Variants in CFHR4 observed in about 807,000 individuals in gnomAD.
CFHR4 encodes the protein complement factor H-related protein 4.
CFHR4 carries 64 observed loss-of-function variants against 69.3 expected under a neutral mutation model. The ratio of observed to expected loss-of-function variants is 0.92; its 90% CI spans 0.76 to 1.14. The LOEUF (loss-of-function observed/expected upper bound fraction) is 1.14. Among genes scored for constraint, CFHR4 ranks in the 50% most tolerant of loss-of-function variants. The probability of loss-of-function intolerance (pLI) is 0.00; values close to 1 mark genes in which losing one functional copy is unlikely to be tolerated. For missense variants in CFHR4, 636 were observed against 684.9 expected (o/e 0.93, Z 0.80); for synonymous variants, 244 against 237.0 (o/e 1.03, Z -0.27).
intron 1 of CFHR4, among the ~76,000 whole-genome samples, chr1:196,895,595 A>G (rs1571416921): frequency 6.6e-6 from 1 of 151,074 alleles, no homozygotes; most frequent in East Asian, 1.9e-4. Flanking sequence ...TTGTACTTTC[A>G]GAATTTCTTT....
In CFHR4 at chr1:196,918,253, A is replaced by G; in HGVS notation, c.1584A>G (p.Ile528Met). Reference sequence around the variant, plus strand: ...AAGAAAACATGAATAAAAATAACATACAGTTAAAAGGAAAAAGTGACATAA... The same window carrying G: ...AAGAAAACATGAATAAAAATAACATGCAGTTAAAAGGAAAAAGTGACATAA... ...ITEENMNKNN[I>M]QLKGKSDIKY... The change falls in exon 10 of 10, where the codon ATA becomes ATG. Residue 528 changes from isoleucine to methionine, a missense_variant. Transcript: ENST00000608469. 1 of 1,606,946 alleles carries G rather than the reference A, an allele frequency of 6.2e-7. No homozygotes were observed.
chr1:196,897,200 G>A (rs955400630), intron 1 of CFHR4, among the ~76,000 whole-genome samples: 1 of 151,616 alleles, frequency 6.6e-6, no homozygotes, highest in Admixed American at 6.6e-5. Flanking sequence ...TGCGAGAGGG[G>A]TGTTATCTGC....
At chr1:196,905,020 C>A in intron 2 of CFHR4, 88 bp from the exon 3 acceptor site, 1 of 1,197,848 alleles carries the variant, frequency 8.3e-7, no homozygotes, top group Non-Finnish European at 1.1e-6. Flanking sequence ...TTCATTGTTT[C>A]ACCATACTGC....
chr1:196,907,409 A>T lies in CFHR4; in HGVS notation c.710A>T (p.Glu237Val), dbSNP rs1175087192. 6.2e-7 allele frequency: 1 copy of T among 1,612,092 alleles called. No individual in the cohort carries two copies. The highest frequency in any genetic ancestry group is 1.1e-5 in the South Asian group (1 of 91,036). ...GTGTATCTGCCATGGTCAAGAGTCG[A>T]GTACCAGTGCCAGTCCTACTATGAA... ...QKVYLPWSRV[E>V]YQCQSYYELQ... The change falls in exon 5 of 10, where the codon GAG becomes GTG. Residue 237 changes from glutamate (E) to valine (V), a missense_variant. This residue lies in a region of CFHR4 where 529 missense variants were observed against 533.2 expected (regional missense o/e 0.99). Coordinates refer to ENST00000608469, the MANE Select transcript of CFHR4 (RefSeq NM_001201550.3).
chr1:196,894,840 C>T (rs1657206224), intron 1 of CFHR4, among the ~76,000 whole-genome samples: 1 of 150,654 alleles, frequency 6.6e-6, no homozygotes, highest in South Asian at 2.1e-4. Flanking sequence ...TTGCTTGAGG[C>T]CAGAAGTTTG....
chr1:196,903,209 T>C (rs1657717189), intron 2 of CFHR4, among the ~76,000 whole-genome samples: 1 of 151,354 alleles, frequency 6.6e-6, no homozygotes, highest in Non-Finnish European at 1.5e-5. Flanking sequence ...ACTGGAAAAT[T>C]TTGTACATCA....
intron 5 of CFHR4, 148 bp downstream of exon 5, chr1:196,907,646 T>C (rs558551638): frequency 3.1e-6 from 2 of 641,148 alleles, no homozygotes; most frequent in Non-Finnish European, 5.1e-6. Flanking sequence ...GATCTTAATA[T>C]ATAAGTGTAT....
At chr1:196,914,416 T>A in intron 7 of CFHR4, 79 bp from the exon 8 acceptor site, 1 of 1,434,062 alleles carries the variant, frequency 7.0e-7, no homozygotes, top group Non-Finnish European at 9.3e-7. Context: ...GTAAATTTTA[T>A]CCCTACAATG....
chr1:196,900,433 A>G (rs1234322607), intron 1 of CFHR4, among the ~76,000 whole-genome samples: 1 of 150,750 alleles, frequency 6.6e-6, no homozygotes, highest in Non-Finnish European at 1.5e-5. Flanking sequence ...GGTATTAATG[A>G]TAATGATAGC....
chr1:196,906,622 CTT>C (rs1657918500), intron 3 of CFHR4, among the ~76,000 whole-genome samples: 1 of 151,120 alleles, frequency 6.6e-6, no homozygotes, highest in African/African-American at 2.4e-5. Flanking sequence ...ACTAAATAGT[CTT>C]AATATGTTTT....
rs769441598 is a variant in CFHR4 at position 196,905,249 on chromosome 1, C to T, written c.398C>T (p.Thr133Ile). The change falls in exon 3 of 10, where the codon ACA becomes ATA. Residue 133 changes from threonine (T) to isoleucine (I), a missense_variant. Thr to Ile is a moderately conservative substitution (Grantham distance 89). Transcript: ENST00000608469. ...TAEGNSSGSITCLQNGWSTQP... is the reference protein window; with the variant it reads ...TAEGNSSGSIICLQNGWSTQP... ...GAGGGAAATTCTTCAGGATCAATTA[C>T]ATGTTTGCAAAATGGATGGTCAACA... The T allele has an allele frequency of 8.1e-6, 13 of 1,611,368 alleles. No individual in the cohort carries two copies. The African/African-American group carries it at 1.5e-4, about 18-fold the overall frequency.
At chr1:196,907,102 A>T in intron 4 of CFHR4, 65 bp downstream of exon 4, 2 of 1,408,610 alleles carry the variant, frequency 1.4e-6, no homozygotes, top group Non-Finnish European at 2.0e-6. Flanking sequence ...ACATATGTAT[A>T]TGTACACATA....
At position 196,907,414 on chromosome 1, in the gene CFHR4, C is replaced by CAGT; in HGVS notation, c.716_718dup (p.Gln239_Cys240insTer). On this transcript the variant is annotated stop_gained and inframe_insertion, in exon 5 of 10. Transcript: ENST00000608469. LOFTEE classifies it high-confidence loss of function. ...TCTGCCATGGTCAAGAGTCGAGTAC[C>CAGT]AGTGCCAGTCCTACTATGAACTTCA... 6.2e-7 allele frequency: 1 copy of CAGT among 1,611,824 alleles called. No individual in the cohort carries two copies. The highest frequency in any genetic ancestry group is 1.1e-5 in the South Asian group (1 of 91,018).
At position 196,900,927 on chromosome 1, in the gene CFHR4, G is replaced by A. The variant is rs867879650; in HGVS notation, c.59-1491G>A. Among the ~76,000 whole-genome samples, 78 of 151,290 alleles carry A rather than the reference G, an allele frequency of 5.2e-4. 2 individuals carry two copies. Among genetic ancestry groups the A allele is most frequent in the African/African-American group, 1.9e-3 (77 of 41,030 alleles). On this transcript the variant is annotated intron_variant, in intron 1 of 9. Coordinates refer to ENST00000608469, the MANE Select transcript of CFHR4 (RefSeq NM_001201550.3). ...TACAAAGACAAGTTATTGTTCCCAG[G>A]TCTTTGTTAAAGACATTTACAACAT... is the stretch of plus-strand genomic sequence containing the variant.
chr1:196,903,431 T>C (rs1657729396), intron 2 of CFHR4, among the ~76,000 whole-genome samples: 1 of 150,854 alleles, frequency 6.6e-6, no homozygotes, highest in Non-Finnish European at 1.5e-5. Context: ...GACGGGCAGA[T>C]CACTTTAGGT....
rs929814541 is a variant in CFHR4, at chr1:196,910,340, C to T, written c.859C>T (p.Arg287Cys). The change falls in exon 6 of 10, where the codon CGT becomes TGT. Residue 287 changes from arginine to cysteine, a missense_variant. Arg to Cys is a radical substitution (Grantham distance 180). Coordinates refer to ENST00000608469, the MANE Select transcript of CFHR4 (RefSeq NM_001201550.3). ...TGGACATCTATATTATGAGAATACG[C>T]GTAGACCATACTTTCCAGTAGCTAC... The part of the protein sequence containing the change: ...QHGHLYYENT[R>C]RPYFPVATGQ... The T allele has an allele frequency of 1.9e-5, 30 of 1,611,714 alleles. No homozygotes were observed. Among genetic ancestry groups the T allele is most frequent in the South Asian group, 9.9e-5 (9 of 90,994 alleles).
chr1:196,910,037 G>A (rs552117202), intron 5 of CFHR4, among the ~76,000 whole-genome samples: 11 of 149,238 alleles, frequency 7.4e-5, no homozygotes, highest in African/African-American at 2.0e-4. Flanking sequence ...CCATAGTGCC[G>A]GCCACTCAGG....
rs150722809 is a variant in CFHR4, at chr1:196,903,378, C to T, written c.256+763C>T. Among the ~76,000 whole-genome samples the T allele has an allele frequency of 1.0e-3, 151 of 151,302 alleles. 4 individuals carry two copies. The highest frequency in any genetic ancestry group is 3.3e-3 in the African/African-American group (134 of 41,028). On this transcript the variant is annotated intron_variant, in intron 2 of 9. Transcript: ENST00000608469. ...ATAGAAATATAAGTCAGGGGCCAGG[C>T]GCAGTGGCTCAGTCCTGTAATCCCA...
In CFHR4 at chr1:196,893,259, T is replaced by C. The variant is rs1160481836; in HGVS notation, c.58+5051T>C. ...GCGTTATAATGACTGTCTTGAGATA[T>C]TTCAAAACACTTACGAAGGGGAGCA... On this transcript the variant is annotated intron_variant, in intron 1 of 9. Coordinates refer to ENST00000608469, the MANE Select transcript of CFHR4 (RefSeq NM_001201550.3). Among the ~76,000 whole-genome samples the C allele has an allele frequency of 5.9e-5, 9 of 151,708 alleles. 1 individual carries two copies.
Sources: gnomAD v4.1 joint callset for allele counts (sites outside exome capture counted in the v4.1 genomes callset) on GRCh38, gnomAD v4.1.1 for gene constraint, gnomAD v4.1.1 regional missense constraint, MANE v1.5 for transcripts, NCBI Gene and HGNC (gene_info 2026-07-23, HGNC 2026-07-21) for gene names.